EDARADD: variants seen among roughly 807,000 people sequenced by gnomAD.
EDARADD encodes ectodysplasin-A receptor-associated adapter protein.
A neutral mutation model predicts 25.6 loss-of-function variants in EDARADD; 20 were observed. The observed-to-expected ratio is 0.78, with a 90% confidence interval of 0.55 to 1.14. EDARADD has a LOEUF of 1.14. Among genes scored for constraint, EDARADD ranks in the 50% most tolerant of loss-of-function variants. The pLI is 0.00. For synonymous variants in EDARADD, 86 were observed against 94.4 expected (o/e 0.91, Z 0.52); for missense variants, 225 against 270.1 (o/e 0.83, Z 1.17).
chr1:236,459,871 C>G (rs1005376530), intron 4 of EDARADD, among the ~76,000 whole-genome samples: 1 of 152,158 alleles, frequency 6.6e-6, no homozygotes, highest in Non-Finnish European at 1.5e-5. Flanking sequence ...GCCTCAGCAT[C>G]CCAAAGTGCT....
At chr1:236,385,011 C>A (rs527977208) in intron 3 of EDARADD, among the ~76,000 whole-genome samples, 39 of 150,520 alleles carry the variant, frequency 2.6e-4, no homozygotes, top group South Asian at 1.9e-3. Flanking sequence ...TGCTTTAGAA[C>A]TTCTCTTGTC....
At chr1:236,478,389 G>T (rs1415931477) in intron 5 of EDARADD, among the ~76,000 whole-genome samples, 1 of 145,142 alleles carries the variant, frequency 6.9e-6, no homozygotes, top group Non-Finnish European at 1.5e-5. Context: ...GTGTGTGTAT[G>T]GATTTATATA....
chr1:236,419,672 G>C (rs1481675469), intron 3 of EDARADD, among the ~76,000 whole-genome samples: 1 of 152,200 alleles, frequency 6.6e-6, no homozygotes, highest in Non-Finnish European at 1.5e-5. Context: ...GGAGAGCTGA[G>C]AGCGAGGCAA....
chr1:236,475,139 A>G (rs1659467423), intron 5 of EDARADD, among the ~76,000 whole-genome samples: 3 of 150,214 alleles, frequency 2.0e-5, no homozygotes, highest in African/African-American at 7.3e-5. Context: ...GTCTCAAAAA[A>G]CAAAACAAAA....
chr1:236,447,909 C>G (rs1658610705), intron 4 of EDARADD, among the ~76,000 whole-genome samples: 2 of 151,912 alleles, frequency 1.3e-5, no homozygotes, highest in South Asian at 4.2e-4. Flanking sequence ...AATCTCGGCT[C>G]CCTGCAACCT....
chr1:236,416,515 A>G (rs1657645425), intron 3 of EDARADD, among the ~76,000 whole-genome samples: 1 of 152,260 alleles, frequency 6.6e-6, no homozygotes. Flanking sequence ...TTGTATTATC[A>G]GATTTCTCCT....
chr1:236,483,698 C>A lies in EDARADD; in HGVS notation c.*1049C>A. 1 of 1,568,516 alleles carries A rather than the reference C, an allele frequency of 6.4e-7. No homozygotes were observed. The highest frequency in any genetic ancestry group is 1.7e-5 in the Admixed American group (1 of 59,718). ...TCCTCCCAGTCGGTGCAGCAAACTT[C>A]AGGGAAGCCATGCCCATTGGAGCGG... On this transcript the variant is annotated 3_prime_UTR_variant, in exon 6 of 6. Transcript: ENST00000334232.
At chr1:236,448,380 G>T (rs1032278847) in intron 4 of EDARADD, among the ~76,000 whole-genome samples, 10 of 152,202 alleles carry the variant, frequency 6.6e-5, no homozygotes, top group African/African-American at 2.4e-4. Flanking sequence ...GCCATGGAAG[G>T]CCTGCTGGGC....
intron 1 of EDARADD, among the ~76,000 whole-genome samples, chr1:236,400,597 C>T (rs1434672704): frequency 6.6e-6 from 1 of 152,058 alleles, no homozygotes; most frequent in South Asian, 2.1e-4. Context: ...GCTCTGCACT[C>T]AGGCTGGAGT....
At chr1:236,472,614 T>C (rs1571956805) in intron 5 of EDARADD, among the ~76,000 whole-genome samples, 1 of 152,226 alleles carries the variant, frequency 6.6e-6, no homozygotes, top group Admixed American at 6.5e-5. Context: ...CTGCAACCTC[T>C]GCCTCCTGGG....
intron 2 of EDARADD, among the ~76,000 whole-genome samples, chr1:236,410,616 GCTCT>G (rs1402782991): frequency 2.6e-5 from 4 of 152,162 alleles, no homozygotes; most frequent in African/African-American, 7.2e-5. Flanking sequence ...CCAAAGCGGT[GCTCT>G]CTGTCAGGCA....
chr1:236,372,775 G>A (rs1667186302), intron 3 of EDARADD, among the ~76,000 whole-genome samples: 1 of 151,954 alleles, frequency 6.6e-6, no homozygotes, highest in Non-Finnish European at 1.5e-5. Flanking sequence ...TTCTCCTTAT[G>A]TGAATTTTGG....
At chr1:236,373,387 G>A (rs1667193257) in intron 3 of EDARADD, among the ~76,000 whole-genome samples, 1 of 152,096 alleles carries the variant, frequency 6.6e-6, no homozygotes, top group South Asian at 2.1e-4. Flanking sequence ...TGTATTTTTA[G>A]TAGAGATGGG....
chr1:236,425,094 G>T (rs567965175), intron 3 of EDARADD, among the ~76,000 whole-genome samples: 1 of 152,146 alleles, frequency 6.6e-6, no homozygotes, highest in African/African-American at 2.4e-5. Flanking sequence ...CCTGGGGATG[G>T]GGTCCTCATC....
intron 4 of EDARADD, among the ~76,000 whole-genome samples, chr1:236,455,683 G>A (rs1054241733): frequency 1.3e-5 from 2 of 152,226 alleles, no homozygotes; most frequent in African/African-American, 2.4e-5. Flanking sequence ...CCAAACCAAC[G>A]GCAGGTTCTC....
chr1:236,385,136 CG>C (rs1159083730), intron 3 of EDARADD, among the ~76,000 whole-genome samples: 4 of 140,570 alleles, frequency 2.8e-5, no homozygotes, highest in Non-Finnish European at 3.0e-5. Flanking sequence ...TGGCCGGGCG[CG>C]GTAGCTCACG....
At chr1:236,470,988 C>G (rs1194770879) in intron 5 of EDARADD, among the ~76,000 whole-genome samples, 2 of 152,230 alleles carry the variant, frequency 1.3e-5, no homozygotes, top group African/African-American at 2.4e-5. Context: ...AGTGATTCAC[C>G]TGCCTTGGCC....
intron 5 of EDARADD, among the ~76,000 whole-genome samples, chr1:236,473,291 C>T (rs369189562): frequency 1.8e-4 from 27 of 152,040 alleles, no homozygotes; most frequent in East Asian, 1.2e-3. Flanking sequence ...GAAAGGGTAG[C>T]GAGACCCAAA....
At chr1:236,411,547 CT>C (rs376379766) in intron 2 of EDARADD, among the ~76,000 whole-genome samples, 225 of 144,018 alleles carry the variant, frequency 1.6e-3, no homozygotes, top group Middle Eastern at 3.7e-3. Flanking sequence ...TCTTCTTCTT[CT>C]TTTTTTTTTT....
Sources: gnomAD v4.1 joint callset for allele counts (sites outside exome capture counted in the v4.1 genomes callset) on GRCh38, gnomAD v4.1.1 for gene constraint, MANE v1.5 for transcripts, NCBI Gene and HGNC (gene_info 2026-07-23, HGNC 2026-07-21) for gene names.